GRM7: variants seen among roughly 807,000 people sequenced by gnomAD.
GRM7 encodes the protein glutamate metabotropic receptor 7.
GRM7 carries 35 observed loss-of-function variants against 84.5 expected under a neutral mutation model. The ratio of observed to expected loss-of-function variants is 0.41; its 90% CI spans 0.32 to 0.55. The LOEUF is 0.55. Among genes scored for constraint, GRM7 ranks in the 20% least tolerant of loss-of-function variants. GRM7 has a pLI of 0.19. For missense variants in GRM7, 1,003 were observed against 1,194.6 expected (o/e 0.84, Z 2.36); for synonymous variants, 487 against 455.1 (o/e 1.07, Z -0.89).
chr3:7,026,741 A>G (rs1259465094), intron 1 of GRM7, among the ~76,000 whole-genome samples: 1 of 152,168 alleles, frequency 6.6e-6, no homozygotes, highest in African/African-American at 2.4e-5. Context: ...TGCTAGTGTA[A>G]ATACCTAATG....
intron 8 of GRM7, among the ~76,000 whole-genome samples, chr3:7,644,034 A>ACACACACACC (rs59647615): frequency 1.4e-4 from 20 of 147,538 alleles, no homozygotes; most frequent in African/African-American, 3.8e-4. Flanking sequence ...ACACACACAC[A>ACACACACACC]CCATATATAA....
At chr3:7,145,311 A>C (rs1300572698) in intron 1 of GRM7, among the ~76,000 whole-genome samples, 1 of 152,062 alleles carries the variant, frequency 6.6e-6, no homozygotes, top group East Asian at 1.9e-4. Context: ...TTCTTACGTG[A>C]AAATTAATTG....
At chr3:7,740,040 G>A (rs1044326636) in intron 9 of GRM7, among the ~76,000 whole-genome samples, 1 of 152,186 alleles carries the variant, frequency 6.6e-6, no homozygotes, top group Non-Finnish European at 1.5e-5. Context: ...ATACCACAGT[G>A]TGAGTGAACC....
At chr3:7,580,198 G>A (rs1320775343) in intron 8 of GRM7, among the ~76,000 whole-genome samples, 1 of 152,200 alleles carries the variant, frequency 6.6e-6, no homozygotes, top group African/African-American at 2.4e-5. Flanking sequence ...CGTGGCTATA[G>A]TTTCATGTAA....
chr3:7,630,747 T>C (rs1028688927), intron 8 of GRM7, among the ~76,000 whole-genome samples: 4 of 152,160 alleles, frequency 2.6e-5, no homozygotes, highest in African/African-American at 9.7e-5. Context: ...CACACTTCCC[T>C]AGATCATAGA....
chr3:7,370,164 G>A (rs1694072131), intron 4 of GRM7, among the ~76,000 whole-genome samples: 1 of 151,962 alleles, frequency 6.6e-6, no homozygotes. Context: ...AGGTTTTTTT[G>A]GGTATCTGAA....
intron 2 of GRM7, among the ~76,000 whole-genome samples, chr3:7,193,353 A>G (rs1695777716): frequency 6.6e-6 from 1 of 152,014 alleles, no homozygotes; most frequent in Admixed American, 6.6e-5. Flanking sequence ...TAATTTTTTC[A>G]CCTTCTACCA....
At chr3:7,717,943 G>T (rs1439581593) in intron 9 of GRM7, among the ~76,000 whole-genome samples, 1 of 152,332 alleles carries the variant, frequency 6.6e-6, no homozygotes, top group South Asian at 2.1e-4. Context: ...AATCTGCTCA[G>T]TTCCTTCACC....
intron 9 of GRM7, among the ~76,000 whole-genome samples, chr3:7,719,743 C>T (rs895509136): frequency 7.5e-5 from 11 of 147,334 alleles, no homozygotes; most frequent in Admixed American, 2.1e-4. Flanking sequence ...ACCTGAGAGG[C>T]GGAGCTTGCA....
At chr3:7,110,102 A>G (rs370892089) in intron 1 of GRM7, among the ~76,000 whole-genome samples, 10 of 152,122 alleles carry the variant, frequency 6.6e-5, no homozygotes, top group Admixed American at 3.9e-4. Flanking sequence ...TATTTATTTT[A>G]AAAACTGAAG....
intron 1 of GRM7, among the ~76,000 whole-genome samples, chr3:7,048,869 C>T (rs368134175): frequency 2.0e-5 from 3 of 151,954 alleles, no homozygotes; most frequent in South Asian, 2.1e-4. Flanking sequence ...ACTTCCTCAC[C>T]CCCGGTAACC....
intron 1 of GRM7, among the ~76,000 whole-genome samples, chr3:6,961,840 C>T (rs1277318869): frequency 6.6e-6 from 1 of 152,084 alleles, no homozygotes; most frequent in Non-Finnish European, 1.5e-5. Context: ...TTTCTGTATG[C>T]TCAGCATATG....
intron 1 of GRM7, among the ~76,000 whole-genome samples, chr3:6,998,859 GCCCAGGCCCTGAAACCATTTTTTCCT>G (rs1392890950): frequency 6.6e-6 from 1 of 152,166 alleles, no homozygotes; most frequent in East Asian, 1.9e-4. Context: ...AAGGCCCTGG[GCCCAGGCCCTGAAACCATTTTTTCCT>G]CCTAGGCCTC....
In GRM7 at chr3:7,441,504, A is replaced by G. The variant is rs377333950; in HGVS notation, c.1175-11103A>G. 9.1e-4 allele frequency among the ~76,000 whole-genome samples: 138 copies of G among 152,160 alleles called. 5 individuals carry two copies. The South Asian group carries it at 0.026, about 29-fold the overall frequency. On this transcript the variant is annotated intron_variant, in intron 5 of 9. Transcript: ENST00000357716. ...AAGCTCTTTAGTATAAATAGGTCACATTTGTCAATTTTTGTTGCAGTTGCT... is the reference window on the plus strand; with the variant it reads ...AAGCTCTTTAGTATAAATAGGTCACGTTTGTCAATTTTTGTTGCAGTTGCT...
At chr3:6,867,355 A>G (rs536356936) in intron 1 of GRM7, among the ~76,000 whole-genome samples, 7 of 152,208 alleles carry the variant, frequency 4.6e-5, no homozygotes, top group Non-Finnish European at 7.4e-5. Flanking sequence ...TCTTCCCAAC[A>G]TTTACTGTAA....
chr3:7,531,497 G>A (rs1161966407), intron 7 of GRM7, among the ~76,000 whole-genome samples: 1 of 152,112 alleles, frequency 6.6e-6, no homozygotes, highest in Non-Finnish European at 1.5e-5. Context: ...TTGAGCAGAG[G>A]TTTGTAGTTC....
intron 1 of GRM7, among the ~76,000 whole-genome samples, chr3:6,888,580 C>A (rs1400518984): frequency 6.6e-6 from 1 of 151,988 alleles, no homozygotes; most frequent in Non-Finnish European, 1.5e-5. Flanking sequence ...TGTTCTGTTC[C>A]ATTGATCTAT....
chr3:7,352,560 T>C (rs1185191930), intron 4 of GRM7, among the ~76,000 whole-genome samples: 1 of 152,070 alleles, frequency 6.6e-6, no homozygotes, highest in Non-Finnish European at 1.5e-5. Context: ...CATCATGCAA[T>C]TGGCTGATTA....
intron 1 of GRM7, among the ~76,000 whole-genome samples, chr3:6,988,294 C>T (rs1364726497): frequency 6.6e-6 from 1 of 150,814 alleles, no homozygotes; most frequent in African/African-American, 2.4e-5. Context: ...CAGGCGTGAT[C>T]CACTGCGCCC....
Sources: allele counts gnomAD v4.1 joint callset (sites outside exome capture counted in the v4.1 genomes callset), GRCh38; gene constraint gnomAD v4.1.1; transcripts MANE v1.5; gene names NCBI Gene and HGNC (gene_info 2026-07-23, HGNC 2026-07-21).